FOXO1: variants seen among roughly 807,000 people sequenced by gnomAD.
FOXO1 encodes the protein forkhead box protein O1.
In FOXO1, 6 loss-of-function variants were observed where a neutral mutation model predicts 44.1. The ratio of observed to expected loss-of-function variants is 0.14; its 90% confidence interval spans 0.07 to 0.27. FOXO1 has a LOEUF of 0.27. FOXO1 is among the 10% of genes least tolerant of loss of function. The pLI, the probability that FOXO1 is intolerant of heterozygous loss-of-function variation, is 1.00. For missense variants in FOXO1, 737 were observed against 888.8 expected, an observed-to-expected ratio of 0.83 and a Z score of 2.17; for synonymous variants, 380 against 362.7, an observed-to-expected ratio of 1.05 and a Z score of -0.54.
intron 1 of FOXO1, among the ~76,000 whole-genome samples, chr13:40,628,728 T>C (rs1876868355): frequency 6.6e-6 from 1 of 152,216 alleles, no homozygotes; most frequent in Non-Finnish European, 1.5e-5. Flanking sequence ...AACAATGGTA[T>C]AGAAGTACTT....
At chr13:40,659,361 C>T (rs926314015) in intron 1 of FOXO1, among the ~76,000 whole-genome samples, 5 of 149,082 alleles carry the variant, frequency 3.4e-5, no homozygotes, top group Admixed American at 3.3e-4. Context: ...GACTTAGACA[C>T]ACACACGCCC....
At chr13:40,575,026 G>GA (rs1874689780) in intron 1 of FOXO1, among the ~76,000 whole-genome samples, 1 of 152,122 alleles carries the variant, frequency 6.6e-6, no homozygotes, top group African/African-American at 2.4e-5. Context: ...AGAAATATAT[G>GA]ATAGACTTTA....
At chr13:40,618,776 C>T (rs1363841374) in intron 1 of FOXO1, 8 of 506,196 alleles carry the variant, frequency 1.6e-5, no homozygotes, top group African/African-American at 9.8e-5. Flanking sequence ...GTGGTGGTGA[C>T]GAAACCTTAT....
At chr13:40,616,589 CGGGAG>C (rs1876431750) in intron 1 of FOXO1, among the ~76,000 whole-genome samples, 2 of 152,086 alleles carry the variant, frequency 1.3e-5, no homozygotes, top group Non-Finnish European at 2.9e-5. Flanking sequence ...GTAGCAGCAG[CGGGAG>C]TGGCCTGAAA....
At chr13:40,619,577 A>T (rs1876541296) in intron 1 of FOXO1, 1 of 1,446,636 alleles carries the variant, frequency 6.9e-7, no homozygotes, top group Non-Finnish European at 9.7e-7. Context: ...TCAGATAGTA[A>T]CAGAGATCAT....
intron 1 of FOXO1, among the ~76,000 whole-genome samples, chr13:40,655,661 CAG>C (rs1279354669): frequency 1.9e-5 from 1 of 51,920 alleles, no homozygotes; most frequent in Non-Finnish European, 3.1e-5. Context: ...TTTTTTTTGG[CAG>C]AGTCTTGCTG....
At chr13:40,639,976 A>C (rs913578661) in intron 1 of FOXO1, among the ~76,000 whole-genome samples, 3 of 152,220 alleles carry the variant, frequency 2.0e-5, no homozygotes, top group Non-Finnish European at 4.4e-5. Flanking sequence ...GAGAAAACCT[A>C]TCCTTAAATG....
chr13:40,563,770 CAT>C (rs574859781), intron 1 of FOXO1, among the ~76,000 whole-genome samples: 22 of 152,296 alleles, frequency 1.4e-4, no homozygotes, highest in East Asian at 3.9e-4. Flanking sequence ...CACACACACA[CAT>C]GTATGCTCAC....
At position 40,560,049 on chromosome 13, in the gene FOXO1, T is replaced by C; in HGVS notation, c.1442A>G (p.Asp481Gly). The change falls in exon 2 of 3, where the codon GAT becomes GGT. Residue 481 changes from aspartate (D) to glycine (G), a missense_variant. Asp to Gly is a moderately conservative substitution (Grantham distance 94). Around this residue, in one of 7 missense-constraint regions of FOXO1, gnomAD observed 283 missense variants for 278.1 expected, o/e 1.02. Transcript: ENST00000379561. This position sits in a 1 kb window ranked among gnomAD's most constrained non-coding sequence, Gnocchi z 5.1. Reference sequence around the variant, plus strand: ...GCTGTTGGGCTGGGCTACCCCAGGATCAACTGGTGTCATAATGTCATTATG... The same window carrying C: ...GCTGTTGGGCTGGGCTACCCCAGGACCAACTGGTGTCATAATGTCATTATG... ...PPHNDIMTPV[D>G]PGVAQPNSRV... is the part of the protein sequence containing the mutation. 2.5e-6 allele frequency: 4 copies of C among 1,614,096 alleles called. No homozygotes were observed. The highest frequency in any genetic ancestry group is 1.7e-5 in the Admixed American group (1 of 60,018).
At chr13:40,585,037 A>G (rs770532877) in intron 1 of FOXO1, among the ~76,000 whole-genome samples, 3 of 152,228 alleles carry the variant, frequency 2.0e-5, no homozygotes, top group Admixed American at 6.5e-5. Context: ...TATTCTTAAC[A>G]AGTATCTTAT....
At chr13:40,619,919 G>A in intron 1 of FOXO1, 1 of 685,166 alleles carries the variant, frequency 1.5e-6, no homozygotes, top group South Asian at 1.6e-5. Context: ...GTTACAGTGA[G>A]AAATACAAAC....
chr13:40,648,925 T>C (rs1271661191), intron 1 of FOXO1, among the ~76,000 whole-genome samples: 1 of 152,196 alleles, frequency 6.6e-6, no homozygotes, highest in East Asian at 1.9e-4. Flanking sequence ...AACAAGTCAT[T>C]ATGCTCTAAT....
intron 1 of FOXO1, among the ~76,000 whole-genome samples, chr13:40,630,208 G>A (rs1876915458): frequency 6.6e-6 from 1 of 151,836 alleles, no homozygotes; most frequent in African/African-American, 2.4e-5. Context: ...AAACAGCAAG[G>A]GGAACTGAAA....
intron 1 of FOXO1, among the ~76,000 whole-genome samples, chr13:40,591,255 T>C (rs1875358688): frequency 6.6e-6 from 1 of 152,198 alleles, no homozygotes; most frequent in South Asian, 2.1e-4. Flanking sequence ...AGCTGTAGCT[T>C]GCTGCTACTG....
Position 40,558,203 on chromosome 13 carries a change from GCTGA to G in FOXO1, c.*842_*845del, listed in dbSNP as rs1442291536. ...ACCTGTGGTTCCACAAAATTTACAAGCTGACTATGTAACAAAGTAGACTCTAGTT... is the reference window on the plus strand; with the variant it reads ...ACCTGTGGTTCCACAAAATTTACAAGCTATGTAACAAAGTAGACTCTAGTT... On this transcript the variant is annotated 3_prime_UTR_variant, in exon 3 of 3. Transcript: ENST00000379561. 2 of 152,588 alleles carry G rather than the reference GCTGA, an allele frequency of 1.3e-5. No homozygotes were observed. The highest frequency in any genetic ancestry group is 1.9e-4 in the East Asian group (1 of 5,198). 9.5% of individuals were successfully genotyped at this position (152,588 alleles called of 1,614,324 possible).
chr13:40,652,333 T>C (rs1032157399), intron 1 of FOXO1, among the ~76,000 whole-genome samples: 5 of 150,620 alleles, frequency 3.3e-5, no homozygotes, highest in Non-Finnish European at 7.4e-5. Context: ...TCGCCCAGGC[T>C]GGAGTGTAGC....
At chr13:40,651,099 TTTTTTG>T (rs869050109) in intron 1 of FOXO1, among the ~76,000 whole-genome samples, 1 of 55,426 alleles carries the variant, frequency 1.8e-5, no homozygotes, top group Non-Finnish European at 3.0e-5. Flanking sequence ...TTGTTTTTTG[TTTTTTG>T]TTTTTGTTTT....
At position 40,666,159 on chromosome 13, in the gene FOXO1, G is replaced by A. The variant is rs542262788; in HGVS notation, c.54C>T (p.Pro18=). 1.0e-3 allele frequency: 1,486 copies of A among 1,463,328 alleles called. 3 individuals are homozygous for A. Among genetic ancestry groups the A allele is most frequent in the Non-Finnish European group, 1.3e-3 (1,421 of 1,110,880 alleles). The allele number at this position is 1,463,328 out of a possible 1,614,324, so 90.6% of individuals were successfully genotyped here. ...VEIDPDFEPL[P]RPRSCTWPLP... ...GCGGCCAGGTGCACGAGCGCGGCCGGGGCAGCGGCTCGAAGTCCGGGTCGA... is the reference window on the plus strand; with the variant it reads ...GCGGCCAGGTGCACGAGCGCGGCCGAGGCAGCGGCTCGAAGTCCGGGTCGA... Residue 18 remains proline (P), a synonymous_variant, in exon 1 of 3, where the codon CCC becomes CCT. Coordinates refer to ENST00000379561, the MANE Select transcript of FOXO1 (RefSeq NM_002015.4).
chr13:40,568,338 G>C (rs977200685), intron 1 of FOXO1, among the ~76,000 whole-genome samples: 1 of 152,132 alleles, frequency 6.6e-6, no homozygotes, highest in Non-Finnish European at 1.5e-5. Flanking sequence ...CAATGTGTGC[G>C]ATTGTTATGC....
Sources: allele counts gnomAD v4.1 joint callset (sites outside exome capture counted in the v4.1 genomes callset), GRCh38; gene constraint gnomAD v4.1.1; regional missense constraint gnomAD v4.1.1; non-coding constraint Gnocchi (gnomAD v3.1); transcripts MANE v1.5; gene names NCBI Gene and HGNC (gene_info 2026-07-23, HGNC 2026-07-21).